PTPRS: variants seen among roughly 807,000 people sequenced by gnomAD.
The protein encoded by PTPRS is protein tyrosine phosphatase receptor type S, also known as receptor-type tyrosine-protein phosphatase S.
A neutral mutation model predicts 215.3 loss-of-function variants in PTPRS; 63 were observed. The ratio of observed to expected loss-of-function variants is 0.29; its 90% CI spans 0.24 to 0.36. The LOEUF is 0.36. Ranked by LOEUF, PTPRS falls within the 10% of genes least tolerant of loss-of-function variation. The probability of loss-of-function intolerance (pLI) is 1.00; values close to 1 mark genes in which losing one functional copy is unlikely to be tolerated. For synonymous variants in PTPRS, 1,404 were observed against 1,191.4 expected (o/e 1.18, Z -3.68); for missense variants, 2,258 against 2,825.8 (o/e 0.80, Z 4.56).
chr19:5,301,196 A>C (rs1221837305), intron 1 of PTPRS, among the ~76,000 whole-genome samples: 1 of 152,168 alleles, frequency 6.6e-6, no homozygotes, highest in Non-Finnish European at 1.5e-5. Context: ...ACTCAGCCAA[A>C]AGTGGAGGAC....
intron 18 of PTPRS, 37 bp from the exon 19 acceptor site, chr19:5,222,257 G>C: frequency 6.4e-7 from 1 of 1,560,886 alleles, no homozygotes. Context: ...GAGAGCAGAA[G>C]AGAGGCCCCA....
At position 5,219,475 on chromosome 19, in the gene PTPRS, G is replaced by T; in HGVS notation, c.3766-8C>A. On this transcript the variant is annotated splice_polypyrimidine_tract_variant and splice_region_variant and intron_variant, in intron 22 of 37. Coordinates refer to ENST00000262963, the MANE Select transcript of PTPRS (RefSeq NM_002850.4). ...GGGACTGGCTGCAAAGGTCTGCAGG[G>T]AAAGGAGGGGGGTCTCCATCAGTGT... The T allele has an allele frequency of 1.3e-6, 2 of 1,561,230 alleles. No individual in the cohort carries two copies. The highest frequency in any genetic ancestry group is 1.7e-6 in the Non-Finnish European group (2 of 1,155,982).
rs948666876 is a variant in PTPRS at position 5,210,102 on chromosome 19, C to T, written c.5487+367G>A. Among the ~76,000 whole-genome samples the T allele has an allele frequency of 1.3e-5, 2 of 152,192 alleles. No individual in the cohort carries two copies. The highest frequency in any genetic ancestry group is 2.4e-5 in the African/African-American group (1 of 41,450). On this transcript the variant is annotated intron_variant, in intron 35 of 37. Coordinates refer to ENST00000262963, the MANE Select transcript of PTPRS (RefSeq NM_002850.4). This position sits in a 1 kb window ranked among gnomAD's most constrained non-coding sequence, Gnocchi z 4.5. ...CTCACCCAACGGTGCCAGTCCCCAC[C>T]ATCTGACTCTCCTTGTCCACCGTCT...
At chr19:5,232,799 T>A (rs1488165852) in intron 13 of PTPRS, among the ~76,000 whole-genome samples, 1 of 136,338 alleles carries the variant, frequency 7.3e-6, no homozygotes. Flanking sequence ...CATAGAATGA[T>A]AGCAAAATAA....
chr19:5,322,534 G>T (rs903842749), intron 1 of PTPRS, among the ~76,000 whole-genome samples: 1 of 152,108 alleles, frequency 6.6e-6, no homozygotes, highest in Non-Finnish European at 1.5e-5. Context: ...GTGGTTAAAA[G>T]CAAGAACGTG....
At chr19:5,332,406 G>A (rs2050356234) in intron 1 of PTPRS, among the ~76,000 whole-genome samples, 1 of 152,170 alleles carries the variant, frequency 6.6e-6, no homozygotes, top group Non-Finnish European at 1.5e-5. Flanking sequence ...GGGATTACAG[G>A]CGTGAGCCAT....
chr19:5,324,370 T>C (rs2050115578), intron 1 of PTPRS, among the ~76,000 whole-genome samples: 1 of 152,024 alleles, frequency 6.6e-6, no homozygotes, highest in Admixed American at 6.5e-5. Context: ...GGCTCTGTAC[T>C]CTGAACCTGA....
intron 18 of PTPRS, 31 bp downstream of exon 18, chr19:5,222,658 G>A (rs766886127): frequency 2.8e-5 from 42 of 1,509,544 alleles, no homozygotes; most frequent in African/African-American, 6.9e-5. Flanking sequence ...GGCCCGGTCC[G>A]GCTCTGGTGC....
chr19:5,214,676 G>A lies in PTPRS; in HGVS notation c.4379C>T (p.Ala1460Val), dbSNP rs762790087. Residue 1460 changes from alanine to valine, a missense_variant, in exon 29 of 38, where the codon GCG becomes GTG. Physicochemically the swap from Ala to Val is moderately conservative, Grantham distance 64. Transcript: ENST00000262963. ...CAGCGGCCCCTGCGTGGCAATGTAC[G>A]CGTTCTGACACCGGTAGCCGTCCAC... ...NYVDGYRCQN[A>V]YIATQGPLPE... 18 of 1,612,862 alleles carry A rather than the reference G, an allele frequency of 1.1e-5. No homozygotes were observed. Among genetic ancestry groups the A allele is most frequent in the Admixed American group, 3.3e-5 (2 of 60,006 alleles).
At chr19:5,292,581 C>G (rs2048910935) in intron 1 of PTPRS, 2 of 152,474 alleles carry the variant, frequency 1.3e-5, no homozygotes, top group African/African-American at 2.4e-5. Context: ...CCAAGCCCCC[C>G]AGTTTCTTAA....
At chr19:5,281,213 C>T (rs1004982034) in intron 2 of PTPRS, among the ~76,000 whole-genome samples, 2 of 152,054 alleles carry the variant, frequency 1.3e-5, no homozygotes, top group Non-Finnish European at 2.9e-5. Context: ...GTAATCCCAG[C>T]ACTTTGGGAG....
At chr19:5,306,720 G>T (rs1374394445) in intron 1 of PTPRS, among the ~76,000 whole-genome samples, 4 of 152,120 alleles carry the variant, frequency 2.6e-5, no homozygotes, top group African/African-American at 9.7e-5. Context: ...TCTCTCACTG[G>T]TGTCCAGTGA....
intron 1 of PTPRS, among the ~76,000 whole-genome samples, chr19:5,296,648 G>A (rs954390803): frequency 6.6e-6 from 1 of 151,592 alleles, no homozygotes; most frequent in African/African-American, 2.4e-5. Flanking sequence ...CACTGCACCT[G>A]GCGTGTTGGA....
intron 35 of PTPRS, 46 bp from the exon 36 acceptor site, chr19:5,208,437 A>T: frequency 9.6e-6 from 14 of 1,454,502 alleles, no homozygotes; most frequent in Non-Finnish European, 1.2e-5. Context: ...AGCAGCGGCC[A>T]TGGGGGTTTT....
intron 1 of PTPRS, among the ~76,000 whole-genome samples, chr19:5,296,261 G>C (rs2049131200): frequency 6.6e-6 from 1 of 152,204 alleles, no homozygotes; most frequent in South Asian, 2.1e-4. Flanking sequence ...GTTCAGGGTT[G>C]TAGGATGAGG....
At chr19:5,281,964 T>C (rs978438756) in intron 2 of PTPRS, among the ~76,000 whole-genome samples, 12 of 152,096 alleles carry the variant, frequency 7.9e-5, no homozygotes, top group Non-Finnish European at 1.8e-4. Context: ...GGCCAGCACC[T>C]CCCCTGGGGA....
In PTPRS at chr19:5,207,854, G is replaced by A. The variant is rs2040505288; in HGVS notation, c.5778+68C>T. 7.0e-6 allele frequency: 11 copies of A among 1,582,166 alleles called. 1 individual carries two copies. The highest frequency in any genetic ancestry group is 9.4e-6 in the Non-Finnish European group (11 of 1,164,824). ...GTGGCTGTACCCATCTCACAGAGGA[G>A]GAAACTGGAGCTTAGGGGCAGTCGG... On this transcript the variant is annotated intron_variant, in intron 37 of 37. Transcript: ENST00000262963.
intron 2 of PTPRS, among the ~76,000 whole-genome samples, chr19:5,285,230 G>C (rs1395686785): frequency 6.6e-6 from 1 of 152,162 alleles, no homozygotes; most frequent in Non-Finnish European, 1.5e-5. Flanking sequence ...AGCAGAGCCA[G>C]GATTCAAACC....
rs375465291 is a variant in PTPRS at position 5,208,477 on chromosome 19, TTTTG to T, written c.5488-90_5488-87del. On this transcript the variant is annotated intron_variant, in intron 35 of 37. Transcript: ENST00000262963. Reference sequence around the variant, plus strand: ...CATCCTCCCTATCTTCACCCCCATTTTTTGTTTGTTTGTTTGTTTTTGAGATGGA... The same window carrying T: ...CATCCTCCCTATCTTCACCCCCATTTTTTGTTTGTTTGTTTTTGAGATGGA... 9.6e-4 allele frequency: 1,242 copies of T among 1,297,472 alleles called. 3 individuals carry two copies. Among genetic ancestry groups the T allele is most frequent in the African/African-American group, 5.0e-3 (330 of 66,212 alleles). The allele number at this position is 1,297,472 out of a possible 1,614,324, so 80.4% of individuals were successfully genotyped here.
Sources: gnomAD v4.1 joint callset for allele counts (sites outside exome capture counted in the v4.1 genomes callset) on GRCh38, gnomAD v4.1.1 for gene constraint, Gnocchi (gnomAD v3.1) non-coding constraint, MANE v1.5 for transcripts, NCBI Gene and HGNC (gene_info 2026-07-23, HGNC 2026-07-21) for gene names.